Variants in F13A1 observed in about 807,000 individuals in gnomAD.
F13A1 encodes FSF, A subunit.
Under a neutral mutation model 80.1 loss-of-function variants are expected in F13A1, and 47 were observed. The ratio of observed to expected loss-of-function variants is 0.59; its 90% CI spans 0.46 to 0.75. The LOEUF is 0.75. F13A1 is among the 30% of genes least tolerant of loss of function. The pLI is 0.00. For synonymous variants in F13A1, 349 were observed against 344.9 expected (o/e 1.01, Z -0.13); for missense variants, 817 against 930.4 (o/e 0.88, Z 1.59).
intron 3 of F13A1, among the ~76,000 whole-genome samples, chr6:6,300,144 C>T (rs1270948188): frequency 7.2e-6 from 1 of 139,050 alleles, no homozygotes; most frequent in African/African-American, 3.3e-5. Flanking sequence ...AACCACTGCT[C>T]TCTTCAAAGC....
chr6:6,168,287 G>C (rs1183167264), intron 12 of F13A1, among the ~76,000 whole-genome samples: 1 of 152,172 alleles, frequency 6.6e-6, no homozygotes, highest in Non-Finnish European at 1.5e-5. Context: ...CAGATTTCTA[G>C]GTCCTGGGGA....
chr6:6,252,633 T>C (rs7769467), intron 4 of F13A1, among the ~76,000 whole-genome samples: 61,440 of 152,106 alleles, frequency 0.4, 13,483 homozygotes, highest in African/African-American at 0.57. Flanking sequence ...CTTTTGAGTT[T>C]ATCTGAAAAT....
intron 13 of F13A1, 109 bp downstream of exon 13, chr6:6,167,343 TTTTGAG>T: frequency 7.0e-6 from 6 of 862,758 alleles, no homozygotes; most frequent in Admixed American, 3.1e-5. Context: ...TTTTTTTTTT[TTTTGAG>T]CAGGACATTC....
chr6:6,300,459 A>C (rs1335092906), intron 3 of F13A1, among the ~76,000 whole-genome samples: 1 of 151,976 alleles, frequency 6.6e-6, no homozygotes, highest in South Asian at 2.1e-4. Context: ...CCGTTTTTTA[A>C]GCCTGTCGGA....
At chr6:6,299,736 T>A (rs1758391059) in intron 3 of F13A1, among the ~76,000 whole-genome samples, 1 of 146,926 alleles carries the variant, frequency 6.8e-6, no homozygotes, top group East Asian at 1.9e-4. Context: ...TCTGAAGCCT[T>A]CTTCTCTCAG....
intron 3 of F13A1, among the ~76,000 whole-genome samples, chr6:6,293,753 G>A (rs1452547600): frequency 2.1e-5 from 3 of 140,158 alleles, no homozygotes; most frequent in Non-Finnish European, 4.6e-5. Context: ...AAGGGAGGGA[G>A]GAAGGAAGGA....
At chr6:6,187,235 C>T (rs1437962947) in intron 10 of F13A1, among the ~76,000 whole-genome samples, 4 of 118,852 alleles carry the variant, frequency 3.4e-5, no homozygotes, top group Middle Eastern at 3.9e-3. Context: ...CCTAATTGCC[C>T]TGGCCAGAAT....
chr6:6,282,073 AAAAGAATGG>A (rs1306634092), intron 3 of F13A1, among the ~76,000 whole-genome samples: 1 of 152,082 alleles, frequency 6.6e-6, no homozygotes, highest in Non-Finnish European at 1.5e-5. Flanking sequence ...CAGAGAGGTG[AAAAGAATGG>A]TAAGTGAGAT....
intron 3 of F13A1, among the ~76,000 whole-genome samples, chr6:6,272,112 C>A (rs1757929288): frequency 6.6e-6 from 1 of 152,188 alleles, no homozygotes; most frequent in South Asian, 2.1e-4. Context: ...CCTTTCAATG[C>A]ATTCCACAGA....
chr6:6,314,719 G>A (rs1758655579), intron 2 of F13A1, among the ~76,000 whole-genome samples: 1 of 152,184 alleles, frequency 6.6e-6, no homozygotes, highest in South Asian at 2.1e-4. Context: ...GTTTCTTGAG[G>A]CCAGGGACTA....
chr6:6,237,896 T>C (rs1757433072), intron 6 of F13A1, among the ~76,000 whole-genome samples: 1 of 152,194 alleles, frequency 6.6e-6, no homozygotes. Flanking sequence ...TTTTAATACT[T>C]CTTTAATAGA....
rs1355659348 is a variant in F13A1, at chr6:6,151,816, A to C, written c.2042T>G (p.Phe681Cys). 5.0e-6 allele frequency: 8 copies of C among 1,614,034 alleles called. No individual in the cohort carries two copies. The highest frequency in any genetic ancestry group is 6.8e-6 in the Non-Finnish European group (8 of 1,179,952). The change falls in exon 14 of 15, where the codon TTC (phenylalanine) becomes TGC (cysteine). Residue 681 changes from phenylalanine (F) to cysteine (C), a missense_variant. By Grantham distance (205) the Phe-to-Cys change is radical. Transcript: ENST00000264870. ...PGVTRPMKKM[F>C]REIRPNSTVQ... is the part of the protein sequence containing the mutation. Reference sequence around the variant, plus strand: ...GTCTCCCCAACCCAAGGTTTACCGGAACATCTTCTTCATTGGTCTTGTTAC... The same window carrying C: ...GTCTCCCCAACCCAAGGTTTACCGGCACATCTTCTTCATTGGTCTTGTTAC...
intron 6 of F13A1, among the ~76,000 whole-genome samples, chr6:6,239,401 CA>C (rs990699597): frequency 2.0e-5 from 3 of 151,910 alleles, no homozygotes; most frequent in Non-Finnish European, 4.4e-5. Flanking sequence ...GTGATTACCC[CA>C]ATCAAAAGTC....
At chr6:6,190,544 G>A (rs1466184415) in intron 10 of F13A1, among the ~76,000 whole-genome samples, 1 of 151,276 alleles carries the variant, frequency 6.6e-6, no homozygotes, top group African/African-American at 2.4e-5. Context: ...TCGGGGGTCA[G>A]GGGTCAGGGA....
At chr6:6,283,651 T>C (rs565556617) in intron 3 of F13A1, among the ~76,000 whole-genome samples, 2 of 152,322 alleles carry the variant, frequency 1.3e-5, no homozygotes, top group Admixed American at 1.3e-4. Flanking sequence ...TGTACAATTA[T>C]CCTGTATATT....
chr6:6,230,949 G>A (rs2113073530), intron 6 of F13A1, among the ~76,000 whole-genome samples: 1 of 152,284 alleles, frequency 6.6e-6, no homozygotes, highest in Admixed American at 6.5e-5. Flanking sequence ...ACAGCCTTCA[G>A]CCCTAGACCT....
chr6:6,286,137 C>T (rs999653645), intron 3 of F13A1, among the ~76,000 whole-genome samples: 1 of 152,216 alleles, frequency 6.6e-6, no homozygotes, highest in African/African-American at 2.4e-5. Context: ...GTGGCTCATG[C>T]CTGTCATCTC....
intron 13 of F13A1, among the ~76,000 whole-genome samples, chr6:6,159,155 C>G (rs1354292269): frequency 6.6e-6 from 1 of 152,130 alleles, no homozygotes; most frequent in African/African-American, 2.4e-5. Context: ...CCCACCTCGG[C>G]CTCCCAAAGT....
intron 12 of F13A1, among the ~76,000 whole-genome samples, chr6:6,174,064 T>C (rs1760828890): frequency 6.6e-6 from 1 of 152,196 alleles, no homozygotes; most frequent in African/African-American, 2.4e-5. Flanking sequence ...TTTTCAATGT[T>C]CACTTCTGTG....
Sources: allele counts gnomAD v4.1 joint callset (sites outside exome capture counted in the v4.1 genomes callset), GRCh38; gene constraint gnomAD v4.1.1; transcripts MANE v1.5; gene names NCBI Gene and HGNC (gene_info 2026-07-23, HGNC 2026-07-21).